The following KRABD5 variants were observed in gnomAD, a reference collection of about 807,000 sequenced individuals.
KRABD5 encodes KRAB domain containing 5, also known as KRAB domain-containing protein 5.
chr16:31,740,045 T>C, the KRABD5 span, among the ~76,000 whole-genome samples: 1 of 152,224 alleles, frequency 6.6e-6, no homozygotes, highest in African/African-American at 2.4e-5. Flanking sequence ...ATAGAAACAA[T>C]GCTTATCACT....
chr16:31,721,284 C>T, the KRABD5 span, among the ~76,000 whole-genome samples: 97 of 152,086 alleles, frequency 6.4e-4, no homozygotes, highest in African/African-American at 1.3e-3. Context: ...TTTCTATGTA[C>T]GTATGTGCGT....
the KRABD5 span, among the ~76,000 whole-genome samples, chr16:31,734,251 T>TA: frequency 2.0e-5 from 3 of 151,388 alleles, no homozygotes; most frequent in African/African-American, 7.3e-5. Context: ...TTTTTTTTTT[T>TA]AGCTTTTATT....
chr16:31,746,510 T>A, the KRABD5 span, among the ~76,000 whole-genome samples: 1 of 152,256 alleles, frequency 6.6e-6, no homozygotes, highest in East Asian at 1.9e-4. Flanking sequence ...ATTTCCCTTT[T>A]TAGGTGACCT....
the KRABD5 span, among the ~76,000 whole-genome samples, chr16:31,745,559 A>G: frequency 6.6e-6 from 1 of 152,188 alleles, no homozygotes; most frequent in Non-Finnish European, 1.5e-5. Context: ...TGATTTTAGA[A>G]TAAGTGCCAT....
At chr16:31,743,005 GGTT>G in the KRABD5 span, among the ~76,000 whole-genome samples, 22 of 152,086 alleles carry the variant, frequency 1.4e-4, 1 homozygote, top group East Asian at 4.2e-3. Context: ...TTTTTGATGA[GGTT>G]GTTTTTTTCT....
chr16:31,754,536 A>G, the KRABD5 span: 1 of 571,302 alleles, frequency 1.8e-6, no homozygotes, highest in Non-Finnish European at 3.3e-6. Flanking sequence ...CATTTTCTAC[A>G]TAACCATTGC....
At chr16:31,753,977 T>C in the KRABD5 span, 6 of 1,515,268 alleles carry the variant, frequency 4.0e-6, no homozygotes, top group Non-Finnish European at 5.4e-6. Context: ...AAAACCTCAC[T>C]GTTACAGGAG....
chr16:31,745,820 T>C, the KRABD5 span, among the ~76,000 whole-genome samples: 1 of 152,242 alleles, frequency 6.6e-6, no homozygotes, highest in Non-Finnish European at 1.5e-5. Flanking sequence ...GGTGCATATA[T>C]ATTTAGAATA....
At chr16:31,718,855 A>G in the KRABD5 span, among the ~76,000 whole-genome samples, 1 of 152,294 alleles carries the variant, frequency 6.6e-6, no homozygotes, top group East Asian at 1.9e-4. Context: ...ACATTTGGTG[A>G]TGTCCTGTGC....
At chr16:31,740,833 C>CTT in the KRABD5 span, among the ~76,000 whole-genome samples, 1 of 151,968 alleles carries the variant, frequency 6.6e-6, no homozygotes, top group Non-Finnish European at 1.5e-5. Flanking sequence ...ATACTTTTGA[C>CTT]TTTTATTTTA....
At chr16:31,751,324 CCTT>C in the KRABD5 span, among the ~76,000 whole-genome samples, 1 of 152,088 alleles carries the variant, frequency 6.6e-6, no homozygotes, top group East Asian at 1.9e-4. Flanking sequence ...GGGAGGAGTC[CCTT>C]CTTATATTTT....
chr16:31,723,726 G>A, the KRABD5 span, among the ~76,000 whole-genome samples: 1 of 152,182 alleles, frequency 6.6e-6, no homozygotes, highest in African/African-American at 2.4e-5. Flanking sequence ...CCTCATGTCA[G>A]AAGTGTGTGA....
chr16:31,757,947 TTAGATAGATAGA>T, the KRABD5 span: 1 of 150,812 alleles, frequency 6.6e-6, no homozygotes. Context: ...GGATGGATAG[TTAGATAGATAGA>T]TAGATAGATA....
chr16:31,719,133 C>T, the KRABD5 span, among the ~76,000 whole-genome samples: 1 of 152,182 alleles, frequency 6.6e-6, no homozygotes, highest in East Asian at 1.9e-4. Flanking sequence ...TGGGAACTTT[C>T]AGTCTAGAGC....
At chr16:31,719,965 C>T in the KRABD5 span, among the ~76,000 whole-genome samples, 4 of 152,242 alleles carry the variant, frequency 2.6e-5, no homozygotes, top group East Asian at 7.7e-4. Flanking sequence ...CTATAGTTAG[C>T]TTTTATAGTG....
At chr16:31,716,997 G>GTTTTTTTTTTTTT in the KRABD5 span, among the ~76,000 whole-genome samples, 4 of 81,166 alleles carry the variant, frequency 4.9e-5, no homozygotes, top group Non-Finnish European at 6.9e-5. Context: ...GTCAGTCTTT[G>GTTTTTTTTTTTTT]TTTTTTTTTT....
the KRABD5 span, among the ~76,000 whole-genome samples, chr16:31,737,096 T>G: frequency 6.6e-6 from 1 of 151,978 alleles, no homozygotes; most frequent in East Asian, 1.9e-4. Flanking sequence ...AGTGTTAATA[T>G]ATCAAACAGG....
the KRABD5 span, among the ~76,000 whole-genome samples, chr16:31,747,646 C>G: frequency 0.036 from 5,552 of 152,232 alleles, 273 homozygotes; most frequent in East Asian, 0.11. Context: ...TCCTCTCCAG[C>G]ACCTGTTGTT....
chr16:31,715,658 A>G, the KRABD5 span, among the ~76,000 whole-genome samples: 3 of 152,152 alleles, frequency 2.0e-5, no homozygotes, highest in African/African-American at 4.8e-5. Context: ...TGTGACTGGC[A>G]TCTGTAGAGG....
Sources: gnomAD v4.1 joint callset for allele counts (sites outside exome capture counted in the v4.1 genomes callset) on GRCh38, gnomAD v4.1.1 for gene constraint, MANE v1.5 for transcripts, NCBI Gene and HGNC (gene_info 2026-07-23, HGNC 2026-07-21) for gene names.